Variants in LRRC4C observed in about 807,000 individuals in gnomAD.
LRRC4C encodes the protein leucine rich repeat containing 4C, also known as leucine-rich repeat-containing protein 4C.
Under a neutral mutation model 33.6 loss-of-function variants are expected in LRRC4C, and 5 were observed. The ratio of observed to expected loss-of-function variants is 0.15; its 90% CI spans 0.08 to 0.31. The LOEUF (loss-of-function observed/expected upper bound fraction) is 0.31, where lower values mean the gene tolerates loss of function less well. Among genes scored for constraint, LRRC4C ranks in the 10% least tolerant of loss-of-function variants. The pLI is 1.00. For synonymous variants in LRRC4C, 329 were observed against 302.0 expected (o/e 1.09, Z -0.93); for missense variants, 560 against 796.7 (o/e 0.70, Z 3.58).
chr11:41,134,334 C>A (rs999726659), intron 1 of LRRC4C, among the ~76,000 whole-genome samples: 2 of 152,096 alleles, frequency 1.3e-5, no homozygotes, highest in African/African-American at 2.4e-5. Context: ...AAACTGCTAG[C>A]CTCAAGCAAT....
chr11:40,725,501 G>T (rs1325592358), intron 2 of LRRC4C, among the ~76,000 whole-genome samples: 3 of 150,792 alleles, frequency 2.0e-5, no homozygotes, highest in African/African-American at 7.3e-5. Context: ...GGACAAAAGA[G>T]CGAGACTCTG....
chr11:40,482,858 C>A (rs914303043), intron 3 of LRRC4C, among the ~76,000 whole-genome samples: 2 of 152,106 alleles, frequency 1.3e-5, no homozygotes, highest in African/African-American at 2.4e-5. Flanking sequence ...ACAAAGACCT[C>A]TGTTTTATCT....
intron 2 of LRRC4C, among the ~76,000 whole-genome samples, chr11:40,740,631 T>C (rs1350466558): frequency 2.6e-5 from 4 of 152,242 alleles, no homozygotes; most frequent in Middle Eastern, 3.4e-3. Context: ...AGAAACGTTT[T>C]AGTTTTATGC....
chr11:41,110,008 G>A (rs1371728406), intron 1 of LRRC4C, among the ~76,000 whole-genome samples: 1 of 152,016 alleles, frequency 6.6e-6, no homozygotes, highest in Non-Finnish European at 1.5e-5. Context: ...TCTTTATGGG[G>A]AAATTCCTGG....
rs150785010 is a variant in LRRC4C at position 40,928,846 on chromosome 11, C to T, written c.-407+4789G>A. Among the ~76,000 whole-genome samples, 61 of 152,056 alleles carry T rather than the reference C, an allele frequency of 4.0e-4. No individual in the cohort carries two copies. The East Asian group carries it at 6.0e-3, about 15-fold the overall frequency. On this transcript the variant is annotated intron_variant, in intron 2 of 6. Coordinates refer to ENST00000528697, the MANE Select transcript of LRRC4C (RefSeq NM_001258419.2). ...TAATTGTTCTATGCTAGGCTTATAC[C>T]ATTTTTTCTTAATTTCCCAAATACT...
At chr11:40,822,101 A>G (rs1951952617) in intron 2 of LRRC4C, among the ~76,000 whole-genome samples, 1 of 151,666 alleles carries the variant, frequency 6.6e-6, no homozygotes, top group Non-Finnish European at 1.5e-5. Flanking sequence ...TGAACACTAG[A>G]ACTTATTCCT....
intron 4 of LRRC4C, among the ~76,000 whole-genome samples, chr11:40,319,315 C>G (rs1186154702): frequency 6.6e-6 from 1 of 152,064 alleles, no homozygotes; most frequent in Non-Finnish European, 1.5e-5. Flanking sequence ...AAGGAAGATA[C>G]ACTCAGGTCT....
Position 41,239,722 on chromosome 11 carries a change from C to A in LRRC4C, c.-496+219709G>T, listed in dbSNP as rs112992171. On this transcript the variant is annotated intron_variant, in intron 1 of 6. Transcript: ENST00000528697. ...CTTTTGTTTTTCTCTTCCATTCCAA[C>A]AGAACATGAGTTCCAAGGTCAGGGA... Among the ~76,000 whole-genome samples the A allele has an allele frequency of 4.1e-3, 617 of 152,218 alleles. 3 individuals carry two copies. Among genetic ancestry groups the A allele is most frequent in the African/African-American group, 0.013 (559 of 41,526 alleles).
intron 1 of LRRC4C, among the ~76,000 whole-genome samples, chr11:41,449,723 G>A (rs1037141799): frequency 6.9e-6 from 1 of 145,224 alleles, no homozygotes; most frequent in African/African-American, 2.5e-5. Flanking sequence ...AGGGATGATA[G>A]TAATGACCAA....
At chr11:41,269,435 GGACA>G (rs1011187552) in intron 1 of LRRC4C, among the ~76,000 whole-genome samples, 7 of 151,936 alleles carry the variant, frequency 4.6e-5, no homozygotes, top group Non-Finnish European at 7.4e-5. Context: ...TTCACAAAAA[GGACA>G]GAGAGAGAGA....
At position 40,115,880 on chromosome 11, in the gene LRRC4C, G is replaced by A; in HGVS notation, c.413C>T (p.Thr138Ile). 3 of 1,614,124 alleles carry A rather than the reference G, an allele frequency of 1.9e-6. No individual in the cohort carries two copies. The highest frequency in any genetic ancestry group is 1.1e-5 in the South Asian group (1 of 91,074). Residue 138 changes from threonine (T) to isoleucine (I), a missense_variant, in exon 7 of 7, where the codon ACC becomes ATC. Transcript: ENST00000528697. This position sits in a 1 kb window ranked among gnomAD's most constrained non-coding sequence, Gnocchi z 6.7. Reference sequence around the variant, plus strand: ...GTATACAAAAGCTCCATTCGGGATGGTAGTAAGACGATTGTCAAAGAGTTC... The same window carrying A: ...GTATACAAAAGCTCCATTCGGGATGATAGTAAGACGATTGTCAAAGAGTTC... Reference protein sequence around the residue: ...TLELFDNRLTTIPNGAFVYLS... With the variant: ...TLELFDNRLTIIPNGAFVYLS...
chr11:40,978,191 C>T (rs1487679372), intron 1 of LRRC4C, among the ~76,000 whole-genome samples: 1 of 152,172 alleles, frequency 6.6e-6, no homozygotes, highest in African/African-American at 2.4e-5. Flanking sequence ...TTATACAATT[C>T]ACCGGCTCAC....
intron 3 of LRRC4C, among the ~76,000 whole-genome samples, chr11:40,636,493 A>C (rs570263595): frequency 6.6e-6 from 1 of 151,806 alleles, no homozygotes; most frequent in Admixed American, 6.6e-5. Context: ...AAAGCCCCAT[A>C]CCATAAGAAA....
chr11:40,675,667 C>G (rs1329427956), intron 2 of LRRC4C, among the ~76,000 whole-genome samples: 1 of 152,144 alleles, frequency 6.6e-6, no homozygotes, highest in Non-Finnish European at 1.5e-5. Flanking sequence ...TCTTCAATAC[C>G]AAGTTCAACA....
intron 1 of LRRC4C, among the ~76,000 whole-genome samples, chr11:41,135,688 T>C (rs1009925360): frequency 2.3e-4 from 35 of 152,150 alleles, no homozygotes; most frequent in African/African-American, 8.2e-4. Context: ...GTGTCTGACA[T>C]ATAATAAATG....
At chr11:40,909,234 A>C (rs1195152115) in intron 2 of LRRC4C, among the ~76,000 whole-genome samples, 1 of 152,078 alleles carries the variant, frequency 6.6e-6, no homozygotes, top group East Asian at 1.9e-4. Context: ...TCAATCTTTT[A>C]GGTAAGATTC....
intron 4 of LRRC4C, among the ~76,000 whole-genome samples, chr11:40,261,927 C>T (rs1941872557): frequency 6.6e-6 from 1 of 152,140 alleles, no homozygotes; most frequent in African/African-American, 2.4e-5. Flanking sequence ...TGGGCAAAGA[C>T]TTCATGACTA....
intron 2 of LRRC4C, among the ~76,000 whole-genome samples, chr11:40,845,329 C>T (rs953313884): frequency 6.6e-6 from 1 of 152,068 alleles, no homozygotes; most frequent in African/African-American, 2.4e-5. Context: ...CGACAGGCCC[C>T]AGTGTGTGAT....
chr11:40,536,879 C>G (rs1174686879), intron 3 of LRRC4C, among the ~76,000 whole-genome samples: 1 of 152,176 alleles, frequency 6.6e-6, no homozygotes, highest in African/African-American at 2.4e-5. Context: ...TCATCATCAT[C>G]CAGCATACCA....
Sources: allele counts gnomAD v4.1 joint callset (sites outside exome capture counted in the v4.1 genomes callset), GRCh38; gene constraint gnomAD v4.1.1; non-coding constraint Gnocchi (gnomAD v3.1); transcripts MANE v1.5; gene names NCBI Gene and HGNC (gene_info 2026-07-23, HGNC 2026-07-21).